The following PRKCE variants were observed in gnomAD, a reference collection of about 807,000 sequenced individuals.
PRKCE encodes protein kinase C epsilon, also known as protein kinase C epsilon type.
A neutral mutation model predicts 85.4 loss-of-function variants in PRKCE; 16 were observed. That is an observed-to-expected ratio of 0.19 (90% confidence interval 0.13 to 0.28). The LOEUF is 0.28. PRKCE is among the 10% of genes least tolerant of loss of function. The probability of loss-of-function intolerance (pLI) is 1.00; values close to 1 mark genes in which losing one functional copy is unlikely to be tolerated. For synonymous variants in PRKCE, 388 were observed against 371.5 expected, an observed-to-expected ratio of 1.04 and a Z score of -0.51; for missense variants, 573 against 975.2, an observed-to-expected ratio of 0.59 and a Z score of 5.49.
chr2:46,117,299 A>C (rs1035677066), intron 11 of PRKCE, among the ~76,000 whole-genome samples: 1 of 152,228 alleles, frequency 6.6e-6, no homozygotes, highest in Non-Finnish European at 1.5e-5. Context: ...CATTGAATAC[A>C]TCTACATGCC....
intron 1 of PRKCE, among the ~76,000 whole-genome samples, chr2:45,683,254 A>G (rs540589685): frequency 6.6e-6 from 1 of 152,334 alleles, no homozygotes. Flanking sequence ...CAGGTAATTC[A>G]GTGCCAGGGC....
rs1280389365 is a variant in PRKCE at position 45,958,805 on chromosome 2, TATATATATATA to T, written c.413-17623_413-17613del. ...GGCCTTTAAAACATATATATATATA[TATATATATATA>T]TTTTTTTTTTTTTTTTTTTTTTTTT... is the stretch of plus-strand genomic sequence containing the variant. On this transcript the variant is annotated intron_variant, in intron 2 of 14. Transcript: ENST00000306156. Among the ~76,000 whole-genome samples, 11 of 25,312 alleles carry T rather than the reference TATATATATATA, an allele frequency of 4.3e-4. No homozygotes were observed. In the South Asian group the frequency reaches 6.9e-3, roughly 16 times the overall value. 16.6% of individuals were successfully genotyped at this position (25,312 alleles called of 152,430 possible).
chr2:46,074,429 C>CAAAAAAAAAAAAAAAAAAAAAAAAAAACA (rs11287357), intron 10 of PRKCE, among the ~76,000 whole-genome samples: 10 of 93,824 alleles, frequency 1.1e-4, no homozygotes, highest in African/African-American at 1.3e-4. Flanking sequence ...CAACAACAAC[C>CAAAAAAAAAAAAAAAAAAAAAAAAAAACA]AAAAAAAAAA....
chr2:45,973,302 C>A (rs4953293), intron 2 of PRKCE, among the ~76,000 whole-genome samples: 1 of 151,994 alleles, frequency 6.6e-6, no homozygotes, highest in Non-Finnish European at 1.5e-5. Flanking sequence ...CTGGCCTGAC[C>A]CGTGGCTTTC....
intron 1 of PRKCE, among the ~76,000 whole-genome samples, chr2:45,737,185 G>T (rs1210987261): frequency 6.6e-6 from 1 of 152,218 alleles, no homozygotes; most frequent in South Asian, 2.1e-4. Flanking sequence ...TTTCTCCCAC[G>T]CAGCTGTCTT....
intron 10 of PRKCE, among the ~76,000 whole-genome samples, chr2:46,062,058 C>T (rs940176961): frequency 1.3e-5 from 2 of 151,826 alleles, no homozygotes; most frequent in East Asian, 3.9e-4. Flanking sequence ...GACAGGGTTT[C>T]GCCATGTTGG....
chr2:46,015,040 A>AT (rs1192195068), intron 10 of PRKCE, among the ~76,000 whole-genome samples: 1 of 152,218 alleles, frequency 6.6e-6, no homozygotes, highest in African/African-American at 2.4e-5. Flanking sequence ...ACAAGATCAG[A>AT]TGCCTATCGG....
chr2:45,679,219 A>G (rs1453451343), intron 1 of PRKCE, among the ~76,000 whole-genome samples: 1 of 152,240 alleles, frequency 6.6e-6, no homozygotes, highest in African/African-American at 2.4e-5. Context: ...CAGGACTTCC[A>G]TGCATAGTAC....
chr2:45,941,471 C>T (rs1333279460), intron 2 of PRKCE, among the ~76,000 whole-genome samples: 1 of 152,210 alleles, frequency 6.6e-6, no homozygotes, highest in East Asian at 1.9e-4. Flanking sequence ...AGACCTACAT[C>T]AAACCAGGCA....
At chr2:45,928,875 C>G (rs1248396054) in intron 2 of PRKCE, among the ~76,000 whole-genome samples, 3 of 152,166 alleles carry the variant, frequency 2.0e-5, no homozygotes, top group East Asian at 1.9e-4. Flanking sequence ...GATGGAGCAC[C>G]TGGAGCCTTT....
At chr2:45,950,513 G>A (rs1490129233) in intron 2 of PRKCE, among the ~76,000 whole-genome samples, 1 of 151,960 alleles carries the variant, frequency 6.6e-6, no homozygotes, top group Admixed American at 6.6e-5. Flanking sequence ...AGATGTCACA[G>A]CACATTTGCA....
intron 7 of PRKCE, among the ~76,000 whole-genome samples, chr2:46,002,853 T>C (rs1209719894): frequency 6.6e-6 from 1 of 152,246 alleles, no homozygotes; most frequent in African/African-American, 2.4e-5. Context: ...AGAACCCTTT[T>C]CAGGAGACAT....
intron 13 of PRKCE, among the ~76,000 whole-genome samples, chr2:46,151,552 G>A (rs1052438101): frequency 1.3e-5 from 2 of 152,146 alleles, no homozygotes; most frequent in Admixed American, 6.5e-5. Context: ...GCATTTCAGA[G>A]GGAACAGAAG....
intron 1 of PRKCE, among the ~76,000 whole-genome samples, chr2:45,832,874 G>A (rs1690550890): frequency 6.6e-6 from 1 of 152,120 alleles, no homozygotes; most frequent in Non-Finnish European, 1.5e-5. Flanking sequence ...CAACAATATT[G>A]CCTTCTTCAC....
intron 1 of PRKCE, among the ~76,000 whole-genome samples, chr2:45,836,865 C>G (rs545894762): frequency 3.3e-5 from 5 of 152,346 alleles, no homozygotes; most frequent in South Asian, 4.1e-4. Context: ...TTTTCAGACC[C>G]TGTCCCTGTT....
intron 10 of PRKCE, among the ~76,000 whole-genome samples, chr2:46,062,835 G>A (rs1423985130): frequency 1.3e-5 from 2 of 151,996 alleles, no homozygotes; most frequent in Non-Finnish European, 2.9e-5. Flanking sequence ...CGCTATGTTG[G>A]CCAGGCTGGT....
intron 2 of PRKCE, among the ~76,000 whole-genome samples, chr2:45,947,227 A>G (rs1439041149): frequency 6.6e-6 from 1 of 152,216 alleles, no homozygotes; most frequent in Non-Finnish European, 1.5e-5. Flanking sequence ...AAAAGACCAC[A>G]TATTGTATGA....
At chr2:45,958,818 T>TATATATATATATATATATA (rs1558885886) in intron 2 of PRKCE, among the ~76,000 whole-genome samples, 1 of 7,610 alleles carries the variant, frequency 1.3e-4, no homozygotes, top group East Asian at 8.5e-3. Flanking sequence ...ATATATATAT[T>TATATATATATATATATATA]TTTTTTTTTT....
chr2:45,776,727 G>A (rs541588146), intron 1 of PRKCE, among the ~76,000 whole-genome samples: 74 of 152,240 alleles, frequency 4.9e-4, no homozygotes, highest in African/African-American at 1.3e-3. Flanking sequence ...CTCTGATTCC[G>A]TTTAAAGAAG....
Sources: allele counts gnomAD v4.1 joint callset (sites outside exome capture counted in the v4.1 genomes callset), GRCh38; gene constraint gnomAD v4.1.1; transcripts MANE v1.5; gene names NCBI Gene and HGNC (gene_info 2026-07-23, HGNC 2026-07-21).